SKIDA1: variants seen among roughly 807,000 people sequenced by gnomAD.
The protein encoded by SKIDA1 is SKI/DACH domain containing 1.
Under a neutral mutation model 51.4 loss-of-function variants are expected in SKIDA1, and 18 were observed. That is an observed-to-expected ratio of 0.35 (90% confidence interval 0.24 to 0.52). The LOEUF (loss-of-function observed/expected upper bound fraction) is 0.52, where lower values mean the gene tolerates loss of function less well. Among genes scored for constraint, SKIDA1 ranks in the 20% least tolerant of loss-of-function variants. The pLI is 0.95. For synonymous variants in SKIDA1, 579 were observed against 500.5 expected, an observed-to-expected ratio of 1.16 and a Z score of -2.09; for missense variants, 1,104 against 1,180.6, an observed-to-expected ratio of 0.94 and a Z score of 0.95.
chr10:21,521,504 T>A (rs970449666), intron 2 of SKIDA1, 24 bp from the exon 3 acceptor site: 2 of 152,612 alleles, frequency 1.3e-5, no homozygotes, highest in South Asian at 4.1e-4. Flanking sequence ...TGAACCCAAT[T>A]CAGATAATGG....
chr10:21,522,629 A>C (rs770877030), intron 2 of SKIDA1, among the ~76,000 whole-genome samples: 40 of 152,150 alleles, frequency 2.6e-4, no homozygotes, highest in Non-Finnish European at 4.3e-4. Flanking sequence ...AAAATGGCTA[A>C]ATTGAGAAAC....
intron 1 of SKIDA1, among the ~76,000 whole-genome samples, chr10:21,525,192 T>C (rs1459340539): frequency 4.6e-5 from 7 of 152,224 alleles, no homozygotes; most frequent in Non-Finnish European, 8.8e-5. Context: ...AGAGATGTAC[T>C]ATTTAGGTCG....
chr10:21,516,027 C>G lies in SKIDA1; in HGVS notation c.1796G>C (p.Arg599Thr). 1.2e-6 allele frequency: 2 copies of G among 1,614,048 alleles called. No individual in the cohort carries two copies. Among genetic ancestry groups the G allele is most frequent in the African/African-American group, 1.3e-5 (1 of 75,056 alleles). The stretch of plus-strand genomic sequence containing the variant: ...AGTAGGAGTTGTTTGTAGGCATTTC[C>G]TAGCCTCTCGGAGTATTCTTTGTTG... ...FPQQRILREA[R>T]KCLQTTPTTH... Residue 599 changes from arginine to threonine, a missense_variant, in exon 4 of 4, where the codon AGG (arginine) becomes ACG (threonine). Arg to Thr is a moderately conservative substitution (Grantham distance 71, BLOSUM62 -1). This residue lies in a region of SKIDA1 where 938 missense variants were observed against 886.4 expected (regional missense o/e 1.06). Transcript: ENST00000449193. The surrounding 1 kb of genome is among the most constrained non-coding windows in gnomAD (Gnocchi z 5.7).
intron 3 of SKIDA1, among the ~76,000 whole-genome samples, chr10:21,519,903 G>C (rs928088545): frequency 7.8e-6 from 1 of 127,740 alleles, no homozygotes; most frequent in Non-Finnish European, 1.6e-5. Context: ...GGAATTTCAA[G>C]AAGTGCATCC....
In SKIDA1 at chr10:21,517,471, G is replaced by A. The variant is rs1349398480; in HGVS notation, c.352C>T (p.Pro118Ser). The part of the protein sequence containing the change: ...VGRALATKAP[P>S]PERAAAASPR... ...CTGGCGGCAGCGGCGCGCTCTGGCG[G>A]CGGCGCCTTTGTGGCCAGGGCCCGG... The change falls in exon 4 of 4, where the codon CCG becomes TCG. Residue 118 changes from proline (P) to serine (S), a missense_variant. Pro to Ser is a moderately conservative substitution (Grantham distance 74, BLOSUM62 -1). Coordinates refer to ENST00000449193, the MANE Select transcript of SKIDA1 (RefSeq NM_207371.4). This position sits in a 1 kb window ranked among gnomAD's most constrained non-coding sequence, Gnocchi z 6.9. 6.5e-7 allele frequency: 1 copy of A among 1,528,406 alleles called. No homozygotes were observed. The allele number at this position is 1,528,406 out of a possible 1,614,324, so 94.7% of individuals were successfully genotyped here. A position where few individuals can be genotyped will look rare whatever the true frequency, so the allele number is the denominator to read the frequency against.
Position 21,516,075 on chromosome 10 carries a change from G to C in SKIDA1, c.1748C>G (p.Pro583Arg), listed in dbSNP as rs1468892701. 1 of 1,613,996 alleles carries C rather than the reference G, an allele frequency of 6.2e-7. No individual in the cohort carries two copies. The highest frequency in any genetic ancestry group is 2.2e-5 in the East Asian group (1 of 44,890). The change falls in exon 4 of 4, where the codon CCA becomes CGA. Residue 583 changes from proline to arginine, a missense_variant. Coordinates refer to ENST00000449193, the MANE Select transcript of SKIDA1 (RefSeq NM_207371.4). The surrounding 1 kb of genome is among the most constrained non-coding windows in gnomAD (Gnocchi z 5.7). ...CLAEGASSPSPKTNNAFPQQR... is the reference protein window; with the variant it reads ...CLAEGASSPSRKTNNAFPQQR... ...TTGTGGAAATGCATTGTTTGTCTTT[G>C]GGCTAGGTGAAGAGGCCCCCTCTGC...
At position 21,515,323 on chromosome 10, in the gene SKIDA1, T is replaced by C. The variant is rs2032165111; in HGVS notation, c.2500A>G (p.Ser834Gly). ...CTTTTCACTGCTGATGCTACATTGCTGGCTACCTTTTTGCGTCTGTTTATA... is the reference window on the plus strand; with the variant it reads ...CTTTTCACTGCTGATGCTACATTGCCGGCTACCTTTTTGCGTCTGTTTATA... ...TVINRRKKVA[S>G]NVASAVKRPF... The change falls in exon 4 of 4, where the codon AGC (serine) becomes GGC (glycine). Residue 834 changes from serine (S) to glycine (G), a missense_variant. By Grantham distance (56) the Ser-to-Gly change is moderately conservative. Around this residue, in one of 3 missense-constraint regions of SKIDA1, gnomAD observed 112 missense variants for 168.3 expected, o/e 0.67. Transcript: ENST00000449193. 3 of 1,613,962 alleles carry C rather than the reference T, an allele frequency of 1.9e-6. No homozygotes were observed. The highest frequency in any genetic ancestry group is 1.7e-6 in the Non-Finnish European group (2 of 1,179,914).
rs983418547 is a variant in SKIDA1, at chr10:21,517,279, G to T, written c.544C>A (p.Pro182Thr). The change falls in exon 4 of 4, where the codon CCG becomes ACG. Residue 182 changes from proline (P) to threonine (T), a missense_variant. By Grantham distance (38) the Pro-to-Thr change is conservative. This residue lies in a region of SKIDA1 where 938 missense variants were observed against 886.4 expected (regional missense o/e 1.06). Coordinates refer to ENST00000449193, the MANE Select transcript of SKIDA1 (RefSeq NM_207371.4). The surrounding 1 kb of genome is among the most constrained non-coding windows in gnomAD (Gnocchi z 6.9). ...IFSKYPGSHY[P>T]EIVRSPCKPP... The stretch of plus-strand genomic sequence containing the variant: ...TTGCACGGCGAGCGCACGATCTCCG[G>T]GTAGTGCGAGCCGGGGTATTTGCTA... 14 of 1,470,586 alleles carry T rather than the reference G, an allele frequency of 9.5e-6. No individual in the cohort carries two copies. The Admixed American group carries it at 3.0e-4, about 32-fold the overall frequency. 91.1% of individuals were successfully genotyped at this position (1,470,586 alleles called of 1,614,324 possible). A position where few individuals can be genotyped will look rare whatever the true frequency, so the allele number is the denominator to read the frequency against.
intron 1 of SKIDA1, 94 bp downstream of exon 1, chr10:21,525,453 A>T (rs1032635287): frequency 6.6e-6 from 1 of 152,184 alleles, no homozygotes; most frequent in African/African-American, 2.4e-5. Context: ...GAGTCCCCAA[A>T]GCCGTCGAGC....
chr10:21,521,142 C>T (rs543036930), intron 3 of SKIDA1, among the ~76,000 whole-genome samples: 22 of 151,596 alleles, frequency 1.5e-4, no homozygotes, highest in Admixed American at 5.9e-4. Context: ...GTTGCATATC[C>T]GGGGTCTTCT....
At position 21,515,410 on chromosome 10, in the gene SKIDA1, T is replaced by C; in HGVS notation, c.2413A>G (p.Arg805Gly). 1.9e-6 allele frequency: 3 copies of C among 1,614,072 alleles called. No homozygotes were observed. The highest frequency in any genetic ancestry group is 1.1e-5 in the South Asian group (1 of 91,084). The change falls in exon 4 of 4, where the codon AGA becomes GGA. Residue 805 changes from arginine (R) to glycine (G), a missense_variant. Coordinates refer to ENST00000449193, the MANE Select transcript of SKIDA1 (RefSeq NM_207371.4). ...GTTTTACCTGTAGGACGAGGGCTTC[T>C]AGCTGATTTCAAATTTGGTTTGACT... ...PPVKPNLKSA[R>G]SPRPTGKTET...
rs758626687 is a variant in SKIDA1, at chr10:21,516,231, G to A, written c.1592C>T (p.Pro531Leu). 4.3e-6 allele frequency: 7 copies of A among 1,613,912 alleles called. No individual in the cohort carries two copies. Among genetic ancestry groups the A allele is most frequent in the African/African-American group, 4.0e-5 (3 of 74,930 alleles). Residue 531 changes from proline to leucine, a missense_variant, in exon 4 of 4, where the codon CCG becomes CTG. Transcript: ENST00000449193. This position sits in a 1 kb window ranked among gnomAD's most constrained non-coding sequence, Gnocchi z 5.7. The part of the protein sequence containing the change: ...NLQSWAPKAS[P>L]VYCPASLGSC... ...CCCCAGGCTGGCCGGGCAGTACACCGGAGATGCTTTGGGGGCCCAGCTCTG... is the reference window on the plus strand; with the variant it reads ...CCCCAGGCTGGCCGGGCAGTACACCAGAGATGCTTTGGGGGCCCAGCTCTG...
Position 21,515,517 on chromosome 10 carries a change from C to T in SKIDA1, c.2306G>A (p.Gly769Glu). ...CACCCTGGCACCAAATTTATATTCCCCATCCTCAGGTTTTGGAGAACCTAA... is the reference window on the plus strand; with the variant it reads ...CACCCTGGCACCAAATTTATATTCCTCATCCTCAGGTTTTGGAGAACCTAA... ...CTLGSPKPEDGEYKFGARVRK... is the reference protein window; with the variant it reads ...CTLGSPKPEDEEYKFGARVRK... Residue 769 changes from glycine to glutamate, a missense_variant, in exon 4 of 4, where the codon GGG becomes GAG. Gly to Glu is a moderately conservative substitution (Grantham distance 98, BLOSUM62 -2). Around this residue, in one of 3 missense-constraint regions of SKIDA1, gnomAD observed 938 missense variants for 886.4 expected, o/e 1.06. Coordinates refer to ENST00000449193, the MANE Select transcript of SKIDA1 (RefSeq NM_207371.4). 2.5e-6 allele frequency: 4 copies of T among 1,614,016 alleles called. No homozygotes were observed. Among genetic ancestry groups the T allele is most frequent in the Non-Finnish European group, 3.4e-6 (4 of 1,179,896 alleles).
rs1184055054 is a variant in SKIDA1, at chr10:21,519,400, T to C, written c.-1578A>G. 6.0e-6 allele frequency: 1 copy of C among 167,074 alleles called. No homozygotes were observed. Among genetic ancestry groups the C allele is most frequent in the Non-Finnish European group, 1.5e-5 (1 of 68,112 alleles). 10.3% of individuals were successfully genotyped at this position (167,074 alleles called of 1,614,324 possible). On this transcript the variant is annotated 5_prime_UTR_variant, in exon 4 of 4. Transcript: ENST00000449193. ...AAATCAATGTGGTTTAACCTCTTCT[T>C]AGTCAAATTAAGGCAAATTTTGGTG... is the stretch of plus-strand genomic sequence containing the variant.
intron 2 of SKIDA1, among the ~76,000 whole-genome samples, chr10:21,522,588 T>C (rs1235826024): frequency 6.6e-6 from 1 of 152,224 alleles, no homozygotes; most frequent in Non-Finnish European, 1.5e-5. Context: ...TCTCTGCTTT[T>C]TGGGATGGGA....
chr10:21,515,246 C>G lies in SKIDA1; in HGVS notation c.2577G>C (p.Gly859=). 1 of 1,613,998 alleles carries G rather than the reference C, an allele frequency of 6.2e-7. No individual in the cohort carries two copies. The highest frequency in any genetic ancestry group is 2.2e-5 in the East Asian group (1 of 44,890). Residue 859 remains glycine (G), a synonymous_variant, in exon 4 of 4, where the codon GGG becomes GGC. Coordinates refer to ENST00000449193, the MANE Select transcript of SKIDA1 (RefSeq NM_207371.4). ...ACGCCGGCCACAAATCCCCATCTCT[C>G]CCAATAATGAGTGATGGTGGACAAG... is the stretch of plus-strand genomic sequence containing the variant. ...NFPCPPSLII[G]RDGDLWPAYS...
Position 21,515,053 on chromosome 10 carries a change from A to C in SKIDA1, c.*43T>G. ...AACCATCCTGTGCAGTTTACAACAA[A>C]AGGAAGGTAATATGGTTCAAGAAAA... is the stretch of plus-strand genomic sequence containing the variant. On this transcript the variant is annotated 3_prime_UTR_variant, in exon 4 of 4. Transcript: ENST00000449193. 6.6e-7 allele frequency: 1 copy of C among 1,511,624 alleles called. No individual in the cohort carries two copies. Among genetic ancestry groups the C allele is most frequent in the Non-Finnish European group, 8.9e-7 (1 of 1,129,750 alleles). The allele number at this position is 1,511,624 out of a possible 1,614,324, so 93.6% of individuals were successfully genotyped here. A position where few individuals can be genotyped will look rare whatever the true frequency, so the allele number is the denominator to read the frequency against.
chr10:21,518,083 G>GA lies in SKIDA1; in HGVS notation c.-262dup, dbSNP rs1340308337. 4 of 434,678 alleles carry GA rather than the reference G, an allele frequency of 9.2e-6. No homozygotes were observed. Among genetic ancestry groups the GA allele is most frequent in the South Asian group, 4.1e-5 (1 of 24,528 alleles). The allele number at this position is 434,678 out of a possible 1,614,324, so 26.9% of individuals were successfully genotyped here. ...TGTTTTCGTTTTTTTAAAAAAGAGG[G>GA]AAAAAACCATCCGGTTTCTGATCTG... On this transcript the variant is annotated 5_prime_UTR_variant, in exon 4 of 4. The change creates a premature stop within an existing upstream ORF in the 5' untranslated region. Transcript: ENST00000449193.
Position 21,518,794 on chromosome 10 carries a change from C to T in SKIDA1, c.-972G>A, listed in dbSNP as rs1588685223. ...ACCGGCTGGGAGCTCCAAAGTTAAA[C>T]CCGCCCCGTGAACCACCCCAGTGCG... On this transcript the variant is annotated 5_prime_UTR_variant, in exon 4 of 4. Coordinates refer to ENST00000449193, the MANE Select transcript of SKIDA1 (RefSeq NM_207371.4). The T allele has an allele frequency of 6.0e-6, 1 of 166,724 alleles. No individual in the cohort carries two copies. Among genetic ancestry groups the T allele is most frequent in the East Asian group, 1.9e-4 (1 of 5,174 alleles). The allele number at this position is 166,724 out of a possible 1,614,324, so 10.3% of individuals were successfully genotyped here. A position where few individuals can be genotyped will look rare whatever the true frequency, so the allele number is the denominator to read the frequency against.
Sources: allele counts gnomAD v4.1 joint callset (sites outside exome capture counted in the v4.1 genomes callset), GRCh38; gene constraint gnomAD v4.1.1; regional missense constraint gnomAD v4.1.1; non-coding constraint Gnocchi (gnomAD v3.1); transcripts MANE v1.5; gene names NCBI Gene and HGNC (gene_info 2026-07-23, HGNC 2026-07-21).